The following MYO16 variants were observed in gnomAD, a reference collection of about 807,000 sequenced individuals.
The protein encoded by MYO16 is unconventional myosin-XVI.
MYO16 carries 94 observed loss-of-function variants against 205.3 expected under a neutral mutation model. The observed-to-expected ratio is 0.46, with a 90% CI of 0.39 to 0.54. The LOEUF is 0.54. Ranked by LOEUF, MYO16 falls within the 20% of genes least tolerant of loss-of-function variation. The pLI is 0.00. For missense variants in MYO16, 2,315 were observed against 2,387.5 expected, an observed-to-expected ratio of 0.97 and a Z score of 0.63; for synonymous variants, 988 against 954.0, an observed-to-expected ratio of 1.04 and a Z score of -0.66.
chr13:108,830,618 G>A (rs1443321031), intron 9 of MYO16, among the ~76,000 whole-genome samples: 1 of 128,142 alleles, frequency 7.8e-6, no homozygotes, highest in Non-Finnish European at 1.6e-5. Context: ...TGTGGGGTGG[G>A]GGGAGGGGGG....
chr13:108,694,141 T>C (rs1883002506), intron 2 of MYO16, among the ~76,000 whole-genome samples: 2 of 152,208 alleles, frequency 1.3e-5, no homozygotes, highest in Admixed American at 1.3e-4. Flanking sequence ...TCTATATCTT[T>C]GCTATTGTGA....
chr13:108,823,089 A>G (rs769434726), intron 8 of MYO16, 36 bp from the exon 9 acceptor site: 1 of 1,572,394 alleles, frequency 6.4e-7, no homozygotes, highest in South Asian at 1.1e-5. Flanking sequence ...ATCACCACCC[A>G]TCATTTTTCT....
At chr13:108,899,436 A>G (rs552411862) in intron 15 of MYO16, among the ~76,000 whole-genome samples, 2 of 151,606 alleles carry the variant, frequency 1.3e-5, no homozygotes, top group Non-Finnish European at 2.9e-5. Flanking sequence ...AAAAAAAAAA[A>G]GAAAGAAAGA....
chr13:108,658,695 G>A (rs922054627), intron 1 of MYO16, among the ~76,000 whole-genome samples: 3 of 152,066 alleles, frequency 2.0e-5, no homozygotes, highest in African/African-American at 7.2e-5. Context: ...AACATATGGG[G>A]AGGTATGGTT....
At chr13:108,556,401 T>C in the MYO16 span, among the ~76,000 whole-genome samples, 8 of 152,194 alleles carry the variant, frequency 5.3e-5, no homozygotes, top group Non-Finnish European at 8.8e-5. Context: ...AGCCTTTTTT[T>C]TGTATACCCG....
chr13:108,611,504 G>A (rs1879171133), intron 1 of MYO16, among the ~76,000 whole-genome samples: 1 of 152,148 alleles, frequency 6.6e-6, no homozygotes, highest in African/African-American at 2.4e-5. Flanking sequence ...GAACACTACA[G>A]TCTTTAGAGA....
chr13:108,745,019 AAAAT>A (rs1351858117), intron 4 of MYO16, among the ~76,000 whole-genome samples: 1 of 152,228 alleles, frequency 6.6e-6, no homozygotes, highest in Non-Finnish European at 1.5e-5. Flanking sequence ...GTCACTGAAA[AAAAT>A]AAATCTGTAA....
intron 21 of MYO16, among the ~76,000 whole-genome samples, chr13:109,003,582 G>A (rs191658410): frequency 6.6e-6 from 1 of 152,244 alleles, no homozygotes; most frequent in East Asian, 1.9e-4. Flanking sequence ...GTGGAAAAAA[G>A]GAAGAAAGCT....
intron 21 of MYO16, among the ~76,000 whole-genome samples, chr13:109,002,735 G>A (rs897960369): frequency 5.9e-5 from 9 of 152,112 alleles, no homozygotes; most frequent in African/African-American, 9.7e-5. Context: ...CTAGGTATAC[G>A]AACTAATTTG....
chr13:109,005,369 G>A (rs1300516433), intron 21 of MYO16, among the ~76,000 whole-genome samples: 1 of 152,076 alleles, frequency 6.6e-6, no homozygotes. Flanking sequence ...AAACCCATTG[G>A]GAAGGGTGGT....
At chr13:108,579,709 G>A in the MYO16 span, among the ~76,000 whole-genome samples, 28 of 152,212 alleles carry the variant, frequency 1.8e-4, no homozygotes, top group Non-Finnish European at 2.8e-4. Context: ...AAAGTGCTGC[G>A]ATACAGGTGT....
At chr13:109,035,918 G>C (rs938431191) in intron 23 of MYO16, among the ~76,000 whole-genome samples, 7 of 152,172 alleles carry the variant, frequency 4.6e-5, no homozygotes, top group African/African-American at 1.7e-4. Flanking sequence ...AATGACTAAA[G>C]AGGTCTGGGG....
intron 17 of MYO16, among the ~76,000 whole-genome samples, chr13:108,960,421 G>A (rs961330195): frequency 3.3e-5 from 5 of 152,066 alleles, no homozygotes; most frequent in Admixed American, 1.3e-4. Context: ...ATTTTTATAT[G>A]TATATCACTT....
rs139830146 is a variant in MYO16 at position 108,651,158 on chromosome 13, C to G, written c.29-14728C>G. 5.8e-3 allele frequency among the ~76,000 whole-genome samples: 880 copies of G among 152,294 alleles called. 11 individuals are homozygous for G. Among genetic ancestry groups the G allele is most frequent in the African/African-American group, 0.02 (832 of 41,580 alleles). On this transcript the variant is annotated intron_variant, in intron 1 of 34. Coordinates refer to ENST00000457511, the MANE Select transcript of MYO16 (RefSeq NM_001198950.3). ...CAGAGCCTGGATGTAGCTGGCTGGT[C>G]TCTGCAGGGAACCTGGCCGGTGGGT...
At chr13:108,510,121 G>A in the MYO16 span, among the ~76,000 whole-genome samples, 11 of 152,106 alleles carry the variant, frequency 7.2e-5, no homozygotes, top group South Asian at 1.9e-3. Context: ...GTTTGTTTTC[G>A]TTTTTTGTTT....
At chr13:109,053,721 T>C (rs1296195952) in intron 25 of MYO16, among the ~76,000 whole-genome samples, 6 of 152,072 alleles carry the variant, frequency 3.9e-5, no homozygotes, top group Non-Finnish European at 2.9e-5. Context: ...TTATGATTAT[T>C]CCTTAAATGT....
chr13:108,756,168 A>T (rs1470039116), intron 4 of MYO16, among the ~76,000 whole-genome samples: 2 of 152,138 alleles, frequency 1.3e-5, no homozygotes, highest in East Asian at 3.8e-4. Flanking sequence ...CACATTTTTA[A>T]AGACTTTCAA....
chr13:108,633,434 G>A (rs185156878), intron 1 of MYO16, among the ~76,000 whole-genome samples: 193 of 152,294 alleles, frequency 1.3e-3, no homozygotes, highest in African/African-American at 3.9e-3. Flanking sequence ...ATGTTCAAGG[G>A]CAGGAAGCAT....
intron 16 of MYO16, among the ~76,000 whole-genome samples, chr13:108,955,136 A>C (rs939140392): frequency 3.9e-5 from 6 of 152,172 alleles, no homozygotes; most frequent in African/African-American, 1.4e-4. Flanking sequence ...TGCTCCCCTG[A>C]GATGGCACCA....
Sources: allele counts gnomAD v4.1 joint callset (sites outside exome capture counted in the v4.1 genomes callset), GRCh38; gene constraint gnomAD v4.1.1; transcripts MANE v1.5; gene names NCBI Gene and HGNC (gene_info 2026-07-23, HGNC 2026-07-21).